Variants in ZNF713 observed in about 807,000 individuals in gnomAD.
ZNF713 encodes the protein zinc finger protein 713.
In ZNF713, 21 loss-of-function variants were observed where a neutral mutation model predicts 28.7. That is an observed-to-expected ratio of 0.73 (90% CI 0.52 to 1.05). The LOEUF is 1.05. Among genes scored for constraint, ZNF713 ranks in the 50% least tolerant of loss-of-function variants. The pLI is 0.00. For synonymous variants in ZNF713, 167 were observed against 178.0 expected, an observed-to-expected ratio of 0.94 and a Z score of 0.49; for missense variants, 458 against 532.4, an observed-to-expected ratio of 0.86 and a Z score of 1.37.
chr7:55,936,389 A>G (rs6975697), intron 6 of ZNF713, among the ~76,000 whole-genome samples: 1 of 151,940 alleles, frequency 6.6e-6, no homozygotes, highest in African/African-American at 2.4e-5. Flanking sequence ...TTAAGGGTTG[A>G]GCCAAGGTGG....
intron 6 of ZNF713, among the ~76,000 whole-genome samples, chr7:55,932,675 G>A (rs534595831): frequency 2.7e-5 from 4 of 150,934 alleles, no homozygotes; most frequent in South Asian, 4.2e-4. Flanking sequence ...ATGAGGTCAG[G>A]AGATCGAGAC....
intron 1 of ZNF713, among the ~76,000 whole-genome samples, chr7:55,894,350 A>G (rs1283498318): frequency 6.6e-6 from 1 of 152,182 alleles, no homozygotes; most frequent in Non-Finnish European, 1.5e-5. Context: ...CTTCTGTCTA[A>G]AGACCTCTTG....
At chr7:55,922,777 A>C (rs1012742114) in intron 4 of ZNF713, among the ~76,000 whole-genome samples, 7 of 152,178 alleles carry the variant, frequency 4.6e-5, no homozygotes, top group Non-Finnish European at 1.0e-4. Context: ...TATAGAGTAA[A>C]TTTAACTTTT....
chr7:55,920,424 T>C (rs1584311356), intron 4 of ZNF713, among the ~76,000 whole-genome samples: 1 of 152,184 alleles, frequency 6.6e-6, no homozygotes, highest in East Asian at 1.9e-4. Context: ...TGGAGAAAGT[T>C]TTAATGGATT....
intron 4 of ZNF713, among the ~76,000 whole-genome samples, chr7:55,914,259 C>T (rs1350987460): frequency 2.0e-5 from 3 of 152,026 alleles, no homozygotes; most frequent in Non-Finnish European, 2.9e-5. Flanking sequence ...CATCAGATAC[C>T]GGTCTCAATT....
intron 1 of ZNF713, among the ~76,000 whole-genome samples, chr7:55,894,187 G>C (rs1785435582): frequency 6.6e-6 from 1 of 152,146 alleles, no homozygotes; most frequent in Non-Finnish European, 1.5e-5. Flanking sequence ...CATGTCCCAT[G>C]GCCTCAGGCA....
At position 55,941,881 on chromosome 7, in the gene ZNF713, A is replaced by G. The variant is rs1786477275; in HGVS notation, c.*1875A>G. ...TTATTTTCATCAAATGAATCCTAGG[A>G]TCACTTTGAGAAGAGCCTTGAAGAA... On this transcript the variant is annotated 3_prime_UTR_variant, in exon 7 of 7. Coordinates refer to ENST00000429591, the MANE Select transcript of ZNF713 (RefSeq NM_182633.3). 6.6e-6 allele frequency: 1 copy of G among 152,166 alleles called. No individual in the cohort carries two copies. Among genetic ancestry groups the G allele is most frequent in the South Asian group, 2.1e-4 (1 of 4,824 alleles). The allele number at this position is 152,166 out of a possible 1,614,324, so 9.4% of individuals were successfully genotyped here. A position where few individuals can be genotyped will look rare whatever the true frequency, so the allele number is the denominator to read the frequency against.
intron 1 of ZNF713, among the ~76,000 whole-genome samples, chr7:55,892,381 G>C (rs189187772): frequency 2.2e-3 from 331 of 151,590 alleles, no homozygotes; most frequent in Middle Eastern, 6.8e-3. Flanking sequence ...TGGTGTTCAG[G>C]GTTTTAATTG....
At chr7:55,920,662 G>C (rs1284599017) in intron 4 of ZNF713, among the ~76,000 whole-genome samples, 1 of 152,244 alleles carries the variant, frequency 6.6e-6, no homozygotes, top group Non-Finnish European at 1.5e-5. Context: ...TTATCCAGAA[G>C]ACCTAGCTAG....
intron 4 of ZNF713, among the ~76,000 whole-genome samples, chr7:55,913,126 A>G (rs940665913): frequency 4.6e-5 from 7 of 151,784 alleles, no homozygotes; most frequent in African/African-American, 1.7e-4. Flanking sequence ...GGTAACATCT[A>G]TCACAAATTA....
chr7:55,928,687 T>A (rs527537351), intron 6 of ZNF713, among the ~76,000 whole-genome samples: 29 of 151,938 alleles, frequency 1.9e-4, no homozygotes, highest in African/African-American at 6.5e-4. Context: ...CTGAAAAAAA[T>A]AAAACACCTA....
intron 6 of ZNF713, among the ~76,000 whole-genome samples, chr7:55,933,710 G>A (rs746712565): frequency 2.0e-5 from 3 of 151,980 alleles, no homozygotes; most frequent in Non-Finnish European, 4.4e-5. Context: ...TGTTTTTGTC[G>A]TTGTTGTTTG....
chr7:55,939,377 T>C lies in ZNF713; in HGVS notation c.703T>C (p.Tyr235His). The C allele has an allele frequency of 6.2e-7, 1 of 1,613,958 alleles. No homozygotes were observed. Residue 235 changes from tyrosine to histidine, a missense_variant, in exon 7 of 7, where the codon TAT becomes CAT. Tyr to His is a moderately conservative substitution (Grantham distance 83, BLOSUM62 2). Transcript: ENST00000429591. The part of the protein sequence containing the change: ...YQGNYVRETP[Y>H]EYSECGKIFN... Reference sequence around the variant, plus strand: ...GGGAAATTATGTAAGAGAGACTCCCTATGAATATAGTGAGTGTGGAAAAAT... The same window carrying C: ...GGGAAATTATGTAAGAGAGACTCCCCATGAATATAGTGAGTGTGGAAAAAT...
intron 1 of ZNF713, among the ~76,000 whole-genome samples, chr7:55,904,586 CTA>C (rs1785643172): frequency 6.7e-6 from 1 of 149,430 alleles, no homozygotes; most frequent in Non-Finnish European, 1.5e-5. Flanking sequence ...AAAAGCCAGA[CTA>C]TAGAGAACTG....
intron 6 of ZNF713, among the ~76,000 whole-genome samples, chr7:55,934,629 C>G (rs1361173076): frequency 6.6e-6 from 1 of 152,022 alleles, no homozygotes; most frequent in Non-Finnish European, 1.5e-5. Flanking sequence ...CTCAGCCTCC[C>G]TAATAGCTAG....
intron 1 of ZNF713, among the ~76,000 whole-genome samples, chr7:55,900,454 C>A (rs373919564): frequency 4.0e-5 from 6 of 148,334 alleles, no homozygotes; most frequent in African/African-American, 7.4e-5. Context: ...GGCAACAGAG[C>A]GAGACTCCAT....
At chr7:55,930,063 CAGTTCTTTTTTTTTTGAAATAG>C (rs1374402230) in intron 6 of ZNF713, among the ~76,000 whole-genome samples, 1 of 151,766 alleles carries the variant, frequency 6.6e-6, no homozygotes, top group Non-Finnish European at 1.5e-5. Flanking sequence ...ATAATATGAA[CAGTTCTTTTTTTTTTGAAATAG>C]AGTCTTGCTC....
At chr7:55,892,555 CA>C (rs56338467) in intron 1 of ZNF713, among the ~76,000 whole-genome samples, 9 of 74,380 alleles carry the variant, frequency 1.2e-4, no homozygotes, top group South Asian at 6.0e-4. Flanking sequence ...AAGCACTGAC[CA>C]AAAAAAAAAA....
At chr7:55,892,825 C>T (rs1261954931) in intron 1 of ZNF713, among the ~76,000 whole-genome samples, 3 of 143,074 alleles carry the variant, frequency 2.1e-5, no homozygotes, top group Non-Finnish European at 3.0e-5. Context: ...GAACCGAGAT[C>T]ATGCCATTGC....
Sources: gnomAD v4.1 joint callset for allele counts (sites outside exome capture counted in the v4.1 genomes callset) on GRCh38, gnomAD v4.1.1 for gene constraint, MANE v1.5 for transcripts, NCBI Gene and HGNC (gene_info 2026-07-23, HGNC 2026-07-21) for gene names.